FER: variants seen among roughly 807,000 people sequenced by gnomAD.
FER encodes the protein tyrosine-protein kinase Fer.
FER carries 63 observed loss-of-function variants against 111.0 expected under a neutral mutation model. The observed-to-expected ratio is 0.57, with a 90% confidence interval of 0.46 to 0.70. FER has a LOEUF of 0.70. FER is among the 30% of genes least tolerant of loss of function. The pLI is 0.00. For missense variants in FER, 914 were observed against 954.0 expected, an observed-to-expected ratio of 0.96 and a Z score of 0.55; for synonymous variants, 327 against 313.9, an observed-to-expected ratio of 1.04 and a Z score of -0.44.
At chr5:108,992,680 T>G (rs910819588) in intron 13 of FER, among the ~76,000 whole-genome samples, 4 of 145,104 alleles carry the variant, frequency 2.8e-5, no homozygotes, top group African/African-American at 1.0e-4. Context: ...TGGCGGGGGC[T>G]GACCCCCACC....
intron 10 of FER, among the ~76,000 whole-genome samples, chr5:108,930,769 A>G (rs563489235): frequency 6.6e-6 from 1 of 150,420 alleles, no homozygotes; most frequent in East Asian, 2.0e-4. Context: ...GAGCAACAGT[A>G]CACTCTACTG....
rs1379499484 is a variant in FER at position 108,810,189 on chromosome 5, T to A, written c.207+11800T>A. On this transcript the variant is annotated intron_variant, in intron 3 of 19. Transcript: ENST00000281092. ...GTCTTTTTGGCTCTGCCGTATGGACTTCCGTTGGCAGGTTTTATACTGGGC... is the reference window on the plus strand; with the variant it reads ...GTCTTTTTGGCTCTGCCGTATGGACATCCGTTGGCAGGTTTTATACTGGGC... Among the ~76,000 whole-genome samples the A allele has an allele frequency of 4.6e-5, 7 of 152,224 alleles. No homozygotes were observed. In the East Asian group the frequency reaches 1.3e-3, roughly 29 times the overall value.
chr5:109,076,038 C>G lies in FER; in HGVS notation c.1925-24358C>G, dbSNP rs970446556. Among the ~76,000 whole-genome samples, 4 of 151,862 alleles carry G rather than the reference C, an allele frequency of 2.6e-5. No individual in the cohort carries two copies. In the East Asian group the frequency reaches 7.7e-4, roughly 29 times the overall value. ...GGAACACATACTCTTTTAACATTAT[C>G]TCTTAGTTTTTATCAGTCTATATTT... On this transcript the variant is annotated intron_variant, in intron 16 of 19. Coordinates refer to ENST00000281092, the MANE Select transcript of FER (RefSeq NM_005246.4).
At chr5:108,977,971 G>A (rs776302674) in intron 13 of FER, among the ~76,000 whole-genome samples, 6 of 152,040 alleles carry the variant, frequency 3.9e-5, no homozygotes, top group East Asian at 1.9e-4. Flanking sequence ...TCAGCCTCCC[G>A]AGGTAGCTGG....
At chr5:108,808,673 T>G (rs1757443648) in intron 3 of FER, among the ~76,000 whole-genome samples, 1 of 152,156 alleles carries the variant, frequency 6.6e-6, no homozygotes, top group Admixed American at 6.5e-5. Context: ...TAGTTTGTAT[T>G]GTGTGGTTCC....
chr5:108,795,699 G>T (rs1466441319), intron 2 of FER, among the ~76,000 whole-genome samples: 1 of 152,060 alleles, frequency 6.6e-6, no homozygotes. Flanking sequence ...TCTAGAATTT[G>T]TGCTTCATTC....
Position 108,798,131 on chromosome 5 carries a change from C to G in FER, c.-52C>G. The G allele has an allele frequency of 1.5e-6, 2 of 1,355,160 alleles. No homozygotes were observed. The highest frequency in any genetic ancestry group is 2.1e-6 in the Non-Finnish European group (2 of 951,454). The allele number at this position is 1,355,160 out of a possible 1,614,324, so 83.9% of individuals were successfully genotyped here. On this transcript the variant is annotated 5_prime_UTR_variant, in exon 3 of 20. Transcript: ENST00000281092. ...TTTTGTTTACATACACAGATATGTG[C>G]TGATTAGAAGGCTCACTTGTGCAGT...
chr5:109,094,934 T>C (rs1456782830), intron 16 of FER, among the ~76,000 whole-genome samples: 1 of 152,180 alleles, frequency 6.6e-6, no homozygotes, highest in East Asian at 1.9e-4. Context: ...ATGGCATCTC[T>C]CCTCGCAGTT....
intron 10 of FER, among the ~76,000 whole-genome samples, chr5:108,944,428 T>TAAAG (rs1756702472): frequency 6.6e-6 from 1 of 152,134 alleles, no homozygotes; most frequent in African/African-American, 2.4e-5. Context: ...AAAATGTATC[T>TAAAG]TGCCATTACT....
intron 8 of FER, among the ~76,000 whole-genome samples, chr5:108,878,832 G>T (rs915059311): frequency 1.3e-5 from 2 of 152,066 alleles, no homozygotes; most frequent in African/African-American, 4.8e-5. Context: ...TTACATCTTT[G>T]TACACTTTTG....
intron 2 of FER, among the ~76,000 whole-genome samples, chr5:108,786,789 C>T (rs754957172): frequency 4.6e-5 from 7 of 152,188 alleles, no homozygotes; most frequent in Admixed American, 1.3e-4. Flanking sequence ...CATGAGCCAC[C>T]GTGCCCGGCC....
intron 5 of FER, 92 bp from the exon 6 acceptor site, chr5:108,867,675 A>G: frequency 1.6e-6 from 2 of 1,240,768 alleles, no homozygotes; most frequent in East Asian, 2.5e-5. Flanking sequence ...GTGAAATAAC[A>G]TAAAACAGTA....
At chr5:108,965,582 AG>A (rs1013754905) in intron 13 of FER, among the ~76,000 whole-genome samples, 2 of 152,202 alleles carry the variant, frequency 1.3e-5, no homozygotes, top group African/African-American at 4.8e-5. Flanking sequence ...TTATTAGGTA[AG>A]GAAACTCAGA....
intron 13 of FER, among the ~76,000 whole-genome samples, chr5:109,035,528 G>A (rs1405901578): frequency 6.6e-6 from 1 of 152,076 alleles, no homozygotes; most frequent in African/African-American, 2.4e-5. Context: ...GTGTTTATCA[G>A]TTTTCTTTTT....
chr5:109,105,193 T>A (rs1440179346), intron 17 of FER, among the ~76,000 whole-genome samples: 2 of 151,898 alleles, frequency 1.3e-5, no homozygotes, highest in African/African-American at 2.4e-5. Context: ...ATGTGTACTT[T>A]TTTAGTTAAA....
chr5:108,982,707 G>T lies in FER; in HGVS notation c.1656+23360G>T, dbSNP rs72789351. On this transcript the variant is annotated intron_variant, in intron 13 of 19. Coordinates refer to ENST00000281092, the MANE Select transcript of FER (RefSeq NM_005246.4). The stretch of plus-strand genomic sequence containing the variant: ...ATTATAATTCTTAAACCTATGTTTG[G>T]TCTGTCATATTTTAGGTTGAGTCAA... Among the ~76,000 whole-genome samples, 1,042 of 151,934 alleles carry T rather than the reference G, an allele frequency of 6.9e-3. 6 individuals are homozygous for T. The highest frequency in any genetic ancestry group is 0.012 in the Non-Finnish European group (787 of 67,896).
intron 13 of FER, among the ~76,000 whole-genome samples, chr5:108,986,118 A>G (rs1762544663): frequency 6.6e-6 from 1 of 151,770 alleles, no homozygotes; most frequent in Non-Finnish European, 1.5e-5. Flanking sequence ...TGTTTTTTTT[A>G]TTATGGCCAC....
intron 2 of FER, among the ~76,000 whole-genome samples, chr5:108,783,001 C>G (rs572606521): frequency 1.3e-5 from 2 of 152,312 alleles, no homozygotes; most frequent in East Asian, 3.9e-4. Flanking sequence ...AGTACACTGT[C>G]TTGATTTCTG....
At chr5:108,793,153 T>G (rs563031881) in intron 2 of FER, among the ~76,000 whole-genome samples, 2 of 152,336 alleles carry the variant, frequency 1.3e-5, no homozygotes, top group South Asian at 4.1e-4. Context: ...ATCCCAACTT[T>G]CCCCCTGCTT....
Sources: gnomAD v4.1 joint callset for allele counts (sites outside exome capture counted in the v4.1 genomes callset) on GRCh38, gnomAD v4.1.1 for gene constraint, MANE v1.5 for transcripts, NCBI Gene and HGNC (gene_info 2026-07-23, HGNC 2026-07-21) for gene names.